TNRC6A: variants seen among roughly 807,000 people sequenced by gnomAD.
TNRC6A encodes the protein trinucleotide repeat-containing gene 6A protein.
In TNRC6A, 44 loss-of-function variants were observed where a neutral mutation model predicts 221.2. The observed-to-expected ratio is 0.20, with a 90% CI of 0.16 to 0.26. The LOEUF is 0.26. Ranked by LOEUF, TNRC6A falls within the 10% of genes least tolerant of loss-of-function variation. The pLI, the probability that TNRC6A is intolerant of heterozygous loss-of-function variation, is 1.00. For synonymous variants in TNRC6A, 847 were observed against 838.5 expected (o/e 1.01, Z -0.18); for missense variants, 2,199 against 2,404.4 (o/e 0.91, Z 1.79).
intron 2 of TNRC6A, among the ~76,000 whole-genome samples, chr16:24,738,638 A>G (rs1359888551): frequency 5.9e-5 from 9 of 152,236 alleles, no homozygotes; most frequent in African/African-American, 1.9e-4. Flanking sequence ...TTTTATGGGC[A>G]AATAAATTTC....
At chr16:24,660,313 A>T (rs2055002018) in intron 2 of TNRC6A, among the ~76,000 whole-genome samples, 1 of 151,996 alleles carries the variant, frequency 6.6e-6, no homozygotes, top group Admixed American at 6.6e-5. Flanking sequence ...CCCACTTATG[A>T]GTGAGAACAT....
intron 2 of TNRC6A, among the ~76,000 whole-genome samples, chr16:24,718,496 CAT>C (rs894298185): frequency 1.3e-5 from 2 of 152,098 alleles, no homozygotes; most frequent in African/African-American, 4.8e-5. Flanking sequence ...ATGTTCAAGT[CAT>C]AGAGGCTTTG....
intron 2 of TNRC6A, among the ~76,000 whole-genome samples, chr16:24,680,276 C>G (rs2055505125): frequency 6.6e-6 from 1 of 150,880 alleles, no homozygotes; most frequent in South Asian, 2.1e-4. Flanking sequence ...AAAAAAGTAT[C>G]TGGGCATGGT....
chr16:24,784,297 C>T (rs1365723931), intron 5 of TNRC6A, among the ~76,000 whole-genome samples: 1 of 152,110 alleles, frequency 6.6e-6, no homozygotes, highest in Admixed American at 6.6e-5. Flanking sequence ...CCACTGTGCC[C>T]AGCCAACACT....
intron 2 of TNRC6A, among the ~76,000 whole-genome samples, chr16:24,641,994 T>C (rs34668086): frequency 0.074 from 11,237 of 152,226 alleles, 580 homozygotes; most frequent in Non-Finnish European, 0.12. Flanking sequence ...GCTGGAAAGA[T>C]GTATATTGAT....
chr16:24,782,270 C>G (rs1333756614), intron 5 of TNRC6A, among the ~76,000 whole-genome samples: 8 of 152,220 alleles, frequency 5.3e-5, no homozygotes, highest in Admixed American at 3.9e-4. Context: ...CTACCACTTT[C>G]ACCCCATCTC....
chr16:24,640,691 T>G (rs1901902256), intron 1 of TNRC6A, among the ~76,000 whole-genome samples: 1 of 145,988 alleles, frequency 6.8e-6, no homozygotes, highest in Non-Finnish European at 1.5e-5. Context: ...ATCAAGCCAC[T>G]GCACTCTGGC....
chr16:24,822,104 G>A lies in TNRC6A; in HGVS notation c.5330G>A (p.Gly1777Glu). Residue 1777 changes from glycine to glutamate, a missense_variant, in exon 23 of 25, where the codon GGG (glycine) becomes GAG (glutamate). Gly to Glu is a moderately conservative substitution (Grantham distance 98). Around this residue, in one of 8 missense-constraint regions of TNRC6A, gnomAD observed 449 missense variants for 579.7 expected, o/e 0.77. Coordinates refer to ENST00000395799, the MANE Select transcript of TNRC6A (RefSeq NM_014494.4). ...TCCAGCTGGGGTGAGAGCAGCTCAG[G>A]GAGAATAACAAATTGGCTTGTTCTA... ...PGSSWGESSS[G>E]RITNWLVLKN... The A allele has an allele frequency of 6.2e-7, 1 of 1,614,094 alleles. No individual in the cohort carries two copies. The highest frequency in any genetic ancestry group is 8.5e-7 in the Non-Finnish European group (1 of 1,179,998).
intron 9 of TNRC6A, among the ~76,000 whole-genome samples, chr16:24,796,801 A>T (rs1489148431): frequency 4.6e-5 from 7 of 152,174 alleles, no homozygotes; most frequent in Non-Finnish European, 2.9e-5. Context: ...AATGAGAGAC[A>T]TAGATCTCTA....
Position 24,820,263 on chromosome 16 carries a change from G to A in TNRC6A, c.5205G>A (p.Pro1735=), listed in dbSNP as rs779822817. 6.2e-6 allele frequency: 10 copies of A among 1,613,940 alleles called. No homozygotes were observed. In the East Asian group the frequency reaches 8.9e-5, roughly 14 times the overall value. Residue 1735 remains proline (P), a synonymous_variant, in exon 22 of 25, where the codon CCG becomes CCA. Coordinates refer to ENST00000395799, the MANE Select transcript of TNRC6A (RefSeq NM_014494.4). ...KNITAPSRPP[P]GLTGQKPPLS... is the part of the protein sequence containing the mutation. ...TCACTGCTCCGTCCCGCCCACCTCCGGGACTGACTGGTCAGAAGCCACCCT... is the reference window on the plus strand; with the variant it reads ...TCACTGCTCCGTCCCGCCCACCTCCAGGACTGACTGGTCAGAAGCCACCCT...
Position 24,791,760 on chromosome 16 carries a change from C to T in TNRC6A, c.3118C>T (p.His1040Tyr), listed in dbSNP as rs2058106389. Residue 1040 changes from histidine to tyrosine, a missense_variant, in exon 6 of 25, where the codon CAT becomes TAT. Transcript: ENST00000395799. ...CCGTTCAGACCAGCAAGCACAGGTA[C>T]ATCAGCTGCTAACGCCTGCAAGTGC... ...NSRSDQQAQV[H>Y]QLLTPASAIS... The T allele has an allele frequency of 6.3e-7, 1 of 1,599,392 alleles. No individual in the cohort carries two copies. The highest frequency in any genetic ancestry group is 8.5e-7 in the Non-Finnish European group (1 of 1,175,094).
chr16:24,693,313 G>A lies in TNRC6A; in HGVS notation n.402+52304G>A, dbSNP rs112337238. Among the ~76,000 whole-genome samples the A allele has an allele frequency of 6.5e-3, 990 of 152,096 alleles. 8 individuals are homozygous for A. The highest frequency in any genetic ancestry group is 0.022 in the African/African-American group (914 of 41,502). ...CAAAAAAAAAAAAATTAGGCCAGAC[G>A]CAGTAGCTCACGCCTGGAATCCCAG... On this transcript the variant is annotated intron_variant and non_coding_transcript_variant, in intron 2 of 2. Transcript: ENST00000566108.
At chr16:24,675,174 C>T (rs2055383465) in intron 2 of TNRC6A, among the ~76,000 whole-genome samples, 1 of 151,998 alleles carries the variant, frequency 6.6e-6, no homozygotes, top group East Asian at 1.9e-4. Context: ...CCAACCAACA[C>T]CAATTTTATG....
intron 1 of TNRC6A, among the ~76,000 whole-genome samples, chr16:24,628,140 C>T (rs1901129593): frequency 6.6e-6 from 1 of 151,798 alleles, no homozygotes; most frequent in Admixed American, 6.6e-5. Context: ...AAAAGTCACA[C>T]TAAGGGCCAG....
chr16:24,718,813 G>T (rs1437407025), intron 2 of TNRC6A, among the ~76,000 whole-genome samples: 1 of 151,976 alleles, frequency 6.6e-6, no homozygotes, highest in Non-Finnish European at 1.5e-5. Flanking sequence ...GAGGCGGGCG[G>T]ATCACCTGAG....
chr16:24,645,884 G>A (rs894568026), intron 2 of TNRC6A, among the ~76,000 whole-genome samples: 1 of 137,462 alleles, frequency 7.3e-6, no homozygotes, highest in Non-Finnish European at 1.5e-5. Flanking sequence ...GGCCATGATG[G>A]TGCGTGCATC....
At chr16:24,736,717 T>A (rs1342052205) in intron 2 of TNRC6A, among the ~76,000 whole-genome samples, 1 of 152,256 alleles carries the variant, frequency 6.6e-6, no homozygotes, top group African/African-American at 2.4e-5. Flanking sequence ...CATTTTGAAG[T>A]AAATTAACCG....
chr16:24,795,875 A>G lies in TNRC6A; in HGVS notation c.3529-32A>G, dbSNP rs1172930724. On this transcript the variant is annotated intron_variant, in intron 8 of 24. Coordinates refer to ENST00000395799, the MANE Select transcript of TNRC6A (RefSeq NM_014494.4). ...AACCCCATGTTCTTCCCACTGGACCATGCTGTTTTGTGACTTTGTCTTTCC... is the reference window on the plus strand; with the variant it reads ...AACCCCATGTTCTTCCCACTGGACCGTGCTGTTTTGTGACTTTGTCTTTCC... 5.1e-6 allele frequency: 8 copies of G among 1,577,050 alleles called. No individual in the cohort carries two copies. The African/African-American group carries it at 8.1e-5, about 16-fold the overall frequency.
Position 24,804,220 on chromosome 16 carries a change from A to G in TNRC6A, c.3738A>G (p.Leu1246=), listed in dbSNP as rs754578821. 3.1e-6 allele frequency: 5 copies of G among 1,613,234 alleles called. No homozygotes were observed. In the East Asian group the frequency reaches 8.9e-5, roughly 29 times the overall value. Residue 1246 remains leucine (L), a synonymous_variant, in exon 12 of 25, where the codon CTA becomes CTG. Transcript: ENST00000395799. ...GAATGGAGATAGATAAACATAGCCT[A>G]AATATTGGTGATTACAATCGAACGG... is the stretch of plus-strand genomic sequence containing the variant. ...DKRMEIDKHS[L]NIGDYNRTVG...
Sources: allele counts gnomAD v4.1 joint callset (sites outside exome capture counted in the v4.1 genomes callset), GRCh38; gene constraint gnomAD v4.1.1; regional missense constraint gnomAD v4.1.1; transcripts MANE v1.5; gene names NCBI Gene and HGNC (gene_info 2026-07-23, HGNC 2026-07-21).